VPS13B: variants seen among roughly 807,000 people sequenced by gnomAD.
VPS13B encodes intermembrane lipid transfer protein VPS13B.
In VPS13B, 285 loss-of-function variants were observed where a neutral mutation model predicts 426.4. The observed-to-expected ratio is 0.67, with a 90% confidence interval of 0.61 to 0.74. The LOEUF (loss-of-function observed/expected upper bound fraction) is 0.74. Among genes scored for constraint, VPS13B ranks in the 30% least tolerant of loss-of-function variants. The pLI, the probability that VPS13B is intolerant of heterozygous loss-of-function variation, is 0.00. For missense variants in VPS13B, 4,537 were observed against 4,782.6 expected, an observed-to-expected ratio of 0.95 and a Z score of 1.51; for synonymous variants, 1,676 against 1,676.4, an observed-to-expected ratio of 1.00 and a Z score of 0.01.
intron 42 of VPS13B, among the ~76,000 whole-genome samples, chr8:99,783,582 G>A (rs1038749054): frequency 2.6e-5 from 4 of 152,140 alleles, no homozygotes; most frequent in Non-Finnish European, 5.9e-5. Context: ...TATCAACAAA[G>A]GAACGTATTA....
chr8:99,457,492 T>G (rs925870291), intron 23 of VPS13B, among the ~76,000 whole-genome samples: 1 of 152,230 alleles, frequency 6.6e-6, no homozygotes, highest in African/African-American at 2.4e-5. Flanking sequence ...CTTATCCCTT[T>G]TTTCTGGGTT....
chr8:99,163,111 A>C (rs952639338), intron 15 of VPS13B, among the ~76,000 whole-genome samples: 2 of 152,092 alleles, frequency 1.3e-5, no homozygotes, highest in Admixed American at 1.3e-4. Context: ...GTGTGTTTAC[A>C]AACCTTGAGC....
chr8:99,555,811 T>A (rs1824532027), intron 30 of VPS13B, among the ~76,000 whole-genome samples: 1 of 152,188 alleles, frequency 6.6e-6, no homozygotes, highest in Admixed American at 6.6e-5. Context: ...GTTCCAACTC[T>A]ATATAGGGCA....
chr8:99,626,753 C>T (rs905865799), intron 33 of VPS13B, among the ~76,000 whole-genome samples: 3 of 152,128 alleles, frequency 2.0e-5, no homozygotes, highest in African/African-American at 7.2e-5. Context: ...AAAAATAGAA[C>T]TATCATGTGA....
At chr8:99,477,868 G>A (rs931683291) in intron 24 of VPS13B, among the ~76,000 whole-genome samples, 9 of 152,172 alleles carry the variant, frequency 5.9e-5, no homozygotes, top group Admixed American at 3.9e-4. Context: ...AGAGATTTCT[G>A]TTATCCATTC....
intron 15 of VPS13B, among the ~76,000 whole-genome samples, chr8:99,161,231 A>C (rs1174662533): frequency 6.6e-6 from 1 of 152,230 alleles, no homozygotes; most frequent in African/African-American, 2.4e-5. Flanking sequence ...TATTGGTACA[A>C]ATTTAATATC....
chr8:99,622,921 A>T (rs954358364), intron 33 of VPS13B, among the ~76,000 whole-genome samples: 1 of 152,054 alleles, frequency 6.6e-6, no homozygotes, highest in Non-Finnish European at 1.5e-5. Context: ...AGTTACCATC[A>T]TCTCTCACCT....
intron 35 of VPS13B, among the ~76,000 whole-genome samples, chr8:99,691,375 A>G (rs778883456): frequency 1.3e-5 from 2 of 152,096 alleles, no homozygotes; most frequent in Non-Finnish European, 2.9e-5. Context: ...TTTTTGTGGC[A>G]TGTGAGTTAT....
At chr8:99,772,899 G>A (rs1378503277) in intron 40 of VPS13B, among the ~76,000 whole-genome samples, 3 of 152,140 alleles carry the variant, frequency 2.0e-5, no homozygotes, top group African/African-American at 7.2e-5. Flanking sequence ...TCATGCAGTG[G>A]GTAGGGGAGA....
intron 35 of VPS13B, among the ~76,000 whole-genome samples, chr8:99,665,154 T>A (rs1315459561): frequency 6.6e-6 from 1 of 152,212 alleles, no homozygotes; most frequent in Non-Finnish European, 1.5e-5. Flanking sequence ...CGCCCACTGT[T>A]TGATGGGGTT....
At chr8:99,843,244 T>TC (rs1272917847) in intron 54 of VPS13B, among the ~76,000 whole-genome samples, 2 of 152,126 alleles carry the variant, frequency 1.3e-5, no homozygotes, top group Non-Finnish European at 2.9e-5. Context: ...TTAGTATATG[T>TC]CACCTAGAGC....
chr8:99,577,697 A>G (rs1825842691), intron 33 of VPS13B, 64 bp downstream of exon 33: 1 of 1,590,070 alleles, frequency 6.3e-7, no homozygotes, highest in East Asian at 2.2e-5. Flanking sequence ...TCACAGTAGG[A>G]AAACTATAAT....
At chr8:99,726,355 A>G (rs559371282) in intron 39 of VPS13B, among the ~76,000 whole-genome samples, 2 of 152,302 alleles carry the variant, frequency 1.3e-5, no homozygotes, top group Non-Finnish European at 2.9e-5. Context: ...TGCAGTTTAA[A>G]TGGGTCTCAA....
intron 33 of VPS13B, among the ~76,000 whole-genome samples, chr8:99,638,326 G>A (rs1404354866): frequency 1.3e-5 from 2 of 152,076 alleles, no homozygotes; most frequent in Non-Finnish European, 2.9e-5. Flanking sequence ...CTGTAAAATG[G>A]AGATAGTAGT....
chr8:99,583,153 T>A (rs191395331), intron 33 of VPS13B, among the ~76,000 whole-genome samples: 1 of 152,306 alleles, frequency 6.6e-6, no homozygotes, highest in East Asian at 1.9e-4. Flanking sequence ...TTCTGCCTTC[T>A]CTGTTCTGGG....
At chr8:99,579,886 C>T (rs533760470) in intron 33 of VPS13B, among the ~76,000 whole-genome samples, 4 of 151,616 alleles carry the variant, frequency 2.6e-5, no homozygotes, top group Non-Finnish European at 4.4e-5. Flanking sequence ...TTAGTAGAGA[C>T]GTGATTTCAC....
At chr8:99,382,997 TTA>T (rs1035295694) in intron 19 of VPS13B, among the ~76,000 whole-genome samples, 11 of 152,210 alleles carry the variant, frequency 7.2e-5, no homozygotes, top group African/African-American at 2.7e-4. Context: ...ATCCCTTCCC[TTA>T]TGTTTCATAT....
chr8:99,817,477 T>C, intron 44 of VPS13B, 63 bp from the exon 45 acceptor site: 1 of 1,584,244 alleles, frequency 6.3e-7, no homozygotes, highest in Non-Finnish European at 8.7e-7. Context: ...GTTTGAATGA[T>C]AACATATTTC....
chr8:99,419,899 A>G (rs1816277678), intron 21 of VPS13B, among the ~76,000 whole-genome samples: 2 of 152,220 alleles, frequency 1.3e-5, no homozygotes, highest in African/African-American at 2.4e-5. Context: ...TAAAAGAAAC[A>G]TGAATTCTCC....
Sources: allele counts gnomAD v4.1 joint callset (sites outside exome capture counted in the v4.1 genomes callset), GRCh38; gene constraint gnomAD v4.1.1; transcripts MANE v1.5; gene names NCBI Gene and HGNC (gene_info 2026-07-23, HGNC 2026-07-21).